The following TSPAN13 variants were observed in gnomAD, a reference collection of about 807,000 sequenced individuals.
TSPAN13 encodes the protein tetraspanin 13.
Under a neutral mutation model 26.9 loss-of-function variants are expected in TSPAN13, and 18 were observed. The observed-to-expected ratio is 0.67, with a 90% CI of 0.46 to 0.99. The LOEUF is 0.99. Among genes scored for constraint, TSPAN13 ranks in the 50% least tolerant of loss-of-function variants. The pLI is 0.00. For missense variants in TSPAN13, 201 were observed against 249.6 expected (o/e 0.81, Z 1.31); for synonymous variants, 116 against 98.4 (o/e 1.18, Z -1.06).
chr7:16,780,052 T>A (rs1355622208), intron 5 of TSPAN13, among the ~76,000 whole-genome samples: 1 of 152,090 alleles, frequency 6.6e-6, no homozygotes, highest in African/African-American at 2.4e-5. Context: ...ATTACAGGCA[T>A]GAGCCACCGT....
At position 16,784,227 on chromosome 7, in the gene TSPAN13, A is replaced by T. The variant is rs373091532; in HGVS notation, c.*736A>T. ...GGAAGTATATCTATATGATCTTGAT[A>T]TTGTTTTATAATAATTTGAAGTCTA... is the stretch of plus-strand genomic sequence containing the variant. On this transcript the variant is annotated 3_prime_UTR_variant, in exon 6 of 6. Coordinates refer to ENST00000262067, the MANE Select transcript of TSPAN13 (RefSeq NM_014399.4). 1 of 152,656 alleles carries T rather than the reference A, an allele frequency of 6.6e-6. No homozygotes were observed. The highest frequency in any genetic ancestry group is 2.1e-4 in the South Asian group (1 of 4,830). 9.5% of individuals were successfully genotyped at this position (152,656 alleles called of 1,614,324 possible). A position where few individuals can be genotyped will look rare whatever the true frequency, so the allele number is the denominator to read the frequency against.
intron 1 of TSPAN13, 35 bp from the exon 2 acceptor site, chr7:16,776,176 C>G (rs190845689): frequency 7.5e-6 from 12 of 1,603,398 alleles, no homozygotes; most frequent in South Asian, 2.2e-5. Context: ...TCCTCTCTCT[C>G]GTCCTCTACC....
intron 1 of TSPAN13, among the ~76,000 whole-genome samples, chr7:16,760,120 G>A (rs1244105538): frequency 6.6e-6 from 1 of 152,168 alleles, no homozygotes; most frequent in Admixed American, 6.5e-5. Flanking sequence ...ATAGGGCCAT[G>A]AGCTTTTATA....
intron 5 of TSPAN13, among the ~76,000 whole-genome samples, chr7:16,780,032 A>G (rs141953059): frequency 0.058 from 8,854 of 151,870 alleles, 868 homozygotes; most frequent in African/African-American, 0.2. Context: ...CGGCCTCCCA[A>G]AGTGCTGGGA....
chr7:16,756,346 C>A (rs1047781295), intron 1 of TSPAN13, among the ~76,000 whole-genome samples: 1 of 152,196 alleles, frequency 6.6e-6, no homozygotes, highest in Non-Finnish European at 1.5e-5. Flanking sequence ...ATGTGCTCAA[C>A]GCTACAGGAT....
Position 16,753,902 on chromosome 7 carries a change from C to T in TSPAN13, c.-66C>T. ...CCAGGCCCCAAAGGCAAGGACAAAGCAGCTGTCAGGGAACCTCCGCCGGAG... is the reference window on the plus strand; with the variant it reads ...CCAGGCCCCAAAGGCAAGGACAAAGTAGCTGTCAGGGAACCTCCGCCGGAG... On this transcript the variant is annotated 5_prime_UTR_variant, in exon 1 of 6. Transcript: ENST00000262067. The T allele has an allele frequency of 6.6e-7, 1 of 1,523,788 alleles. No homozygotes were observed. The highest frequency in any genetic ancestry group is 9.0e-7 in the Non-Finnish European group (1 of 1,113,888). 94.4% of individuals were successfully genotyped at this position (1,523,788 alleles called of 1,614,324 possible).
intron 1 of TSPAN13, among the ~76,000 whole-genome samples, chr7:16,756,924 T>C (rs1270397115): frequency 1.1e-4 from 16 of 152,214 alleles, no homozygotes; most frequent in Admixed American, 1.0e-3. Flanking sequence ...TCAATGTGCT[T>C]TTATGAAGGC....
At chr7:16,756,315 A>C (rs543585023) in intron 1 of TSPAN13, among the ~76,000 whole-genome samples, 1 of 152,318 alleles carries the variant, frequency 6.6e-6, no homozygotes, top group East Asian at 1.9e-4. Context: ...TTCTAATCCC[A>C]CCCTGGTCAC....
intron 1 of TSPAN13, among the ~76,000 whole-genome samples, chr7:16,759,755 C>G (rs946675441): frequency 2.7e-5 from 4 of 146,674 alleles, no homozygotes; most frequent in South Asian, 2.1e-4. Context: ...GGCGTGATCT[C>G]AGCTCACTGC....
chr7:16,781,317 A>C (rs1021741278), intron 5 of TSPAN13, among the ~76,000 whole-genome samples: 1 of 152,162 alleles, frequency 6.6e-6, no homozygotes, highest in Admixed American at 6.5e-5. Flanking sequence ...TGCATATTCT[A>C]CATGTACTTT....
intron 1 of TSPAN13, among the ~76,000 whole-genome samples, chr7:16,769,151 A>G (rs1784645347): frequency 6.6e-6 from 1 of 152,166 alleles, no homozygotes; most frequent in Non-Finnish European, 1.5e-5. Flanking sequence ...GATATTTGTT[A>G]GATGGTTTTT....
intron 1 of TSPAN13, among the ~76,000 whole-genome samples, chr7:16,764,818 GAA>G (rs989272475): frequency 6.6e-6 from 1 of 151,598 alleles, no homozygotes; most frequent in African/African-American, 2.4e-5. Flanking sequence ...TCTATAGGGA[GAA>G]AAAAAAGTCA....
At chr7:16,773,983 C>A (rs1784711819) in intron 1 of TSPAN13, among the ~76,000 whole-genome samples, 1 of 152,196 alleles carries the variant, frequency 6.6e-6, no homozygotes, top group Non-Finnish European at 1.5e-5. Flanking sequence ...TTTGGTCAAG[C>A]ACTAGTCTAG....
At chr7:16,767,336 GTATT>G (rs1784616497) in intron 1 of TSPAN13, among the ~76,000 whole-genome samples, 1 of 152,090 alleles carries the variant, frequency 6.6e-6, no homozygotes, top group Non-Finnish European at 1.5e-5. Context: ...TGTTTTATCT[GTATT>G]TATGCAACTT....
Position 16,777,083 on chromosome 7 carries a change from T to C in TSPAN13, c.273T>C (p.Ser91=), listed in dbSNP as rs747236627. The change falls in exon 3 of 6, where the codon TCT becomes TCC. Residue 91 remains serine, a synonymous_variant. Coordinates refer to ENST00000262067, the MANE Select transcript of TSPAN13 (RefSeq NM_014399.4). ...TACTTGTATTTATTGTTCAGTTTTC[T>C]GTATCTTGCGCTTGTTTAGCCCTGA... The part of the protein sequence containing the change: ...ILLLVFIVQF[S]VSCACLALNQ... 5.8e-5 allele frequency: 93 copies of C among 1,613,834 alleles called. No individual in the cohort carries two copies. The highest frequency in any genetic ancestry group is 7.9e-5 in the Non-Finnish European group (93 of 1,179,844).
In TSPAN13 at chr7:16,783,529, T is replaced by G. The variant is rs1441656401; in HGVS notation, c.*38T>G. On this transcript the variant is annotated 3_prime_UTR_variant, in exon 6 of 6. Transcript: ENST00000262067. ...GAAGATTTCCTTTCGTATTATGATC[T>G]TGTTCACTTTCTGTAATTTTCTGTT... 6.3e-7 allele frequency: 1 copy of G among 1,588,078 alleles called. No homozygotes were observed. The highest frequency in any genetic ancestry group is 8.6e-7 in the Non-Finnish European group (1 of 1,157,016).
chr7:16,764,203 A>G (rs1031946780), intron 1 of TSPAN13, among the ~76,000 whole-genome samples: 6 of 127,472 alleles, frequency 4.7e-5, no homozygotes, highest in African/African-American at 1.2e-4. Context: ...TTTTTTTTGT[A>G]TTTTTAGTAG....
At position 16,782,432 on chromosome 7, in the gene TSPAN13, T is replaced by C. The variant is rs144751793; in HGVS notation, c.541-985T>C. ...TTTAGGTTAAAAGTTGGCACACGTA[T>C]AAAGTGGGAGATACAGTTTAAAACT... On this transcript the variant is annotated intron_variant, in intron 5 of 5. Coordinates refer to ENST00000262067, the MANE Select transcript of TSPAN13 (RefSeq NM_014399.4). Among the ~76,000 whole-genome samples, 699 of 152,352 alleles carry C rather than the reference T, an allele frequency of 4.6e-3. 3 individuals are homozygous for C. Among genetic ancestry groups the C allele is most frequent in the Middle Eastern group, 0.014 (4 of 294 alleles).
intron 1 of TSPAN13, among the ~76,000 whole-genome samples, chr7:16,770,728 G>A (rs1167740080): frequency 6.6e-6 from 1 of 152,006 alleles, no homozygotes; most frequent in South Asian, 2.1e-4. Context: ...ATTTGGAAGG[G>A]TCCCTCCTGA....
Sources: allele counts gnomAD v4.1 joint callset (sites outside exome capture counted in the v4.1 genomes callset), GRCh38; gene constraint gnomAD v4.1.1; transcripts MANE v1.5; gene names NCBI Gene and HGNC (gene_info 2026-07-23, HGNC 2026-07-21).